KCNIP4: variants seen among roughly 807,000 people sequenced by gnomAD.
KCNIP4 encodes the protein Kv channel-interacting protein 4.
A neutral mutation model predicts 34.0 loss-of-function variants in KCNIP4; 12 were observed. The ratio of observed to expected loss-of-function variants is 0.35; its 90% confidence interval spans 0.23 to 0.57. The LOEUF (loss-of-function observed/expected upper bound fraction) is 0.57, where lower values mean the gene tolerates loss of function less well. Among genes scored for constraint, KCNIP4 ranks in the 20% least tolerant of loss-of-function variants. The probability of loss-of-function intolerance (pLI) is 0.83; values close to 1 mark genes in which losing one functional copy is unlikely to be tolerated. For missense variants in KCNIP4, 238 were observed against 311.7 expected (o/e 0.76, Z 1.78); for synonymous variants, 124 against 102.2 (o/e 1.21, Z -1.29).
At chr4:21,107,701 T>C (rs940138574) in intron 1 of KCNIP4, among the ~76,000 whole-genome samples, 47 of 151,654 alleles carry the variant, frequency 3.1e-4, no homozygotes, top group African/African-American at 1.1e-3. Context: ...GCCTCGACGG[T>C]CTTTACAATT....
intron 1 of KCNIP4, among the ~76,000 whole-genome samples, chr4:21,621,917 T>A (rs1286175901): frequency 6.6e-6 from 1 of 152,158 alleles, no homozygotes; most frequent in African/African-American, 2.4e-5. Context: ...AAGCTCCCTA[T>A]AAGAACAGTG....
chr4:21,674,068 G>A (rs973689600), intron 1 of KCNIP4, among the ~76,000 whole-genome samples: 5 of 152,182 alleles, frequency 3.3e-5, no homozygotes, highest in Non-Finnish European at 5.9e-5. Context: ...TTCTAAATGC[G>A]TTAGCTTTAA....
intron 1 of KCNIP4, among the ~76,000 whole-genome samples, chr4:21,256,617 G>T (rs868626432): frequency 6.6e-6 from 1 of 151,970 alleles, no homozygotes; most frequent in South Asian, 2.1e-4. Context: ...AAAAAAGAGA[G>T]ATAAGTAAGA....
rs951510413 is a variant in KCNIP4, at chr4:21,822,773, G to A, written c.61+125798C>T. On this transcript the variant is annotated intron_variant, in intron 1 of 8. Coordinates refer to ENST00000382152, the MANE Select transcript of KCNIP4 (RefSeq NM_025221.6). ...CACTTTTTCACCCAGGCTGGAGCGC[G>A]GTGGCGCAATCTTGGCTCACTGCAA... Among the ~76,000 whole-genome samples, 24 of 147,828 alleles carry A rather than the reference G, an allele frequency of 1.6e-4. 1 individual carries two copies. Among genetic ancestry groups the A allele is most frequent in the Middle Eastern group, 3.6e-3 (1 of 278 alleles).
chr4:21,452,604 T>C (rs1728601349), intron 1 of KCNIP4, among the ~76,000 whole-genome samples: 1 of 152,022 alleles, frequency 6.6e-6, no homozygotes, highest in South Asian at 2.1e-4. Flanking sequence ...AATAAGCACA[T>C]GGTAAATATC....
At chr4:21,560,678 A>G (rs775903574) in intron 1 of KCNIP4, among the ~76,000 whole-genome samples, 13 of 152,076 alleles carry the variant, frequency 8.5e-5, no homozygotes, top group Non-Finnish European at 1.6e-4. Context: ...ACCACCTCAC[A>G]TTATATCATT....
intron 1 of KCNIP4, among the ~76,000 whole-genome samples, chr4:21,866,682 T>C (rs1240749905): frequency 2.0e-5 from 3 of 152,032 alleles, no homozygotes; most frequent in African/African-American, 7.3e-5. Flanking sequence ...CTGGTCAAAC[T>C]GTATTTCTGT....
At chr4:21,643,412 C>T (rs1486581917) in intron 1 of KCNIP4, among the ~76,000 whole-genome samples, 1 of 151,904 alleles carries the variant, frequency 6.6e-6, no homozygotes, top group African/African-American at 2.4e-5. Context: ...AAAAGTATTG[C>T]CTTGTTATTG....
chr4:21,249,555 A>G lies in KCNIP4; in HGVS notation c.62-366846T>C, dbSNP rs571555621. Among the ~76,000 whole-genome samples, 9 of 152,250 alleles carry G rather than the reference A, an allele frequency of 5.9e-5. No individual in the cohort carries two copies. In the East Asian group the frequency reaches 1.7e-3, roughly 29 times the overall value. The stretch of plus-strand genomic sequence containing the variant: ...GATCTTGGTGGAAAGAATAAATGAA[A>G]TAATGTATATCAAGTGCCTGACAGT... On this transcript the variant is annotated intron_variant, in intron 1 of 8. Transcript: ENST00000382152.
At position 21,417,157 on chromosome 4, in the gene KCNIP4, A is replaced by G. The variant is rs116560101; in HGVS notation, c.61+531414T>C. ...CTCCCTCTCACTCTATGAAGCCAGT[A>G]AAGTGTAGACATAGGGAATCCATAT... On this transcript the variant is annotated intron_variant, in intron 1 of 8. Coordinates refer to ENST00000382152, the MANE Select transcript of KCNIP4 (RefSeq NM_025221.6). Among the ~76,000 whole-genome samples, 558 of 152,242 alleles carry G rather than the reference A, an allele frequency of 3.7e-3. 4 individuals carry two copies. Among genetic ancestry groups the G allele is most frequent in the African/African-American group, 0.013 (526 of 41,572 alleles).
chr4:20,951,749 A>G (rs1270851717), intron 1 of KCNIP4, among the ~76,000 whole-genome samples: 1 of 152,198 alleles, frequency 6.6e-6, no homozygotes, highest in African/African-American at 2.4e-5. Flanking sequence ...TACTTTTCTT[A>G]TGGAAGAAAG....
intron 1 of KCNIP4, among the ~76,000 whole-genome samples, chr4:21,178,099 C>T (rs773976792): frequency 1.3e-5 from 2 of 152,100 alleles, no homozygotes; most frequent in Non-Finnish European, 2.9e-5. Context: ...TGCAGACTTA[C>T]TTAGCATAAG....
intron 1 of KCNIP4, among the ~76,000 whole-genome samples, chr4:21,477,130 T>A (rs1226799437): frequency 6.6e-6 from 1 of 152,178 alleles, no homozygotes; most frequent in Non-Finnish European, 1.5e-5. Flanking sequence ...ATGGGTTGAG[T>A]TATAATGAAT....
At chr4:21,373,284 C>T (rs1049225402) in intron 1 of KCNIP4, among the ~76,000 whole-genome samples, 3 of 146,552 alleles carry the variant, frequency 2.0e-5, no homozygotes, top group Non-Finnish European at 4.4e-5. Context: ...CATCATGCCA[C>T]TTCATGCCAG....
At chr4:21,130,379 C>T (rs919210435) in intron 1 of KCNIP4, among the ~76,000 whole-genome samples, 1 of 152,170 alleles carries the variant, frequency 6.6e-6, no homozygotes, top group East Asian at 1.9e-4. Context: ...CTTTCTTTCT[C>T]TTTATCCTCT....
intron 1 of KCNIP4, among the ~76,000 whole-genome samples, chr4:21,765,803 C>G (rs1718368566): frequency 8.6e-6 from 1 of 116,346 alleles, no homozygotes; most frequent in South Asian, 3.0e-4. Context: ...ACCCAGAGAT[C>G]TTAGCACCAG....
chr4:21,552,058 AAC>A (rs1738630932), intron 1 of KCNIP4, among the ~76,000 whole-genome samples: 1 of 115,838 alleles, frequency 8.6e-6, no homozygotes, highest in Admixed American at 1.0e-4. Context: ...AAAAACAAAA[AAC>A]AACAACAAAA....
intron 1 of KCNIP4, among the ~76,000 whole-genome samples, chr4:21,506,748 A>G (rs2109907736): frequency 6.6e-6 from 1 of 152,346 alleles, no homozygotes; most frequent in South Asian, 2.1e-4. Flanking sequence ...TAATAGTCAC[A>G]TTAAGAATAA....
intron 3 of KCNIP4, among the ~76,000 whole-genome samples, chr4:20,800,402 G>C (rs974339236): frequency 2.0e-5 from 3 of 152,134 alleles, no homozygotes; most frequent in African/African-American, 7.2e-5. Flanking sequence ...CATCACCAAA[G>C]GAGCACAATA....
Sources: allele counts gnomAD v4.1 joint callset (sites outside exome capture counted in the v4.1 genomes callset), GRCh38; gene constraint gnomAD v4.1.1; transcripts MANE v1.5; gene names NCBI Gene and HGNC (gene_info 2026-07-23, HGNC 2026-07-21).